DST: variants seen among roughly 807,000 people sequenced by gnomAD.
DST encodes the protein bullous pemphigoid antigen.
Under a neutral mutation model 875.2 loss-of-function variants are expected in DST, and 253 were observed. That is an observed-to-expected ratio of 0.29 (90% CI 0.26 to 0.32). DST has a LOEUF of 0.32. Ranked by LOEUF, DST falls within the 10% of genes least tolerant of loss-of-function variation. The probability of loss-of-function intolerance (pLI) is 1.00; values close to 1 mark genes in which losing one functional copy is unlikely to be tolerated. For synonymous variants in DST, 3,124 were observed against 3,197.1 expected, an observed-to-expected ratio of 0.98 and a Z score of 0.77; for missense variants, 8,287 against 9,111.6, an observed-to-expected ratio of 0.91 and a Z score of 3.68.
chr6:56,648,441 T>G (rs527275983), intron 13 of DST, 129 bp downstream of exon 13: 1 of 712,752 alleles, frequency 1.4e-6, no homozygotes, highest in Non-Finnish European at 2.2e-6. Flanking sequence ...GTAATACAAA[T>G]TTTGCCTACT....
intron 5 of DST, among the ~76,000 whole-genome samples, chr6:56,713,895 G>T (rs1589071122): frequency 1.3e-5 from 2 of 152,278 alleles, no homozygotes; most frequent in East Asian, 3.9e-4. Flanking sequence ...TTAAACATAA[G>T]CTCATTTCCT....
At chr6:56,911,555 T>A (rs1798836727) in intron 2 of DST, among the ~76,000 whole-genome samples, 1 of 152,234 alleles carries the variant, frequency 6.6e-6, no homozygotes, top group Admixed American at 6.5e-5. Flanking sequence ...GTGAGGCCTT[T>A]AATCTGTAAC....
intron 5 of DST, among the ~76,000 whole-genome samples, chr6:56,726,049 A>C (rs2099455274): frequency 6.6e-6 from 1 of 152,198 alleles, no homozygotes; most frequent in East Asian, 1.9e-4. Context: ...TCAGGTATGA[A>C]TTTCAACACT....
At chr6:56,938,817 G>A (rs1342261203) in intron 2 of DST, among the ~76,000 whole-genome samples, 1 of 152,212 alleles carries the variant, frequency 6.6e-6, no homozygotes, top group Admixed American at 6.5e-5. Flanking sequence ...CTTACTGGAA[G>A]AGGAGAGACC....
chr6:56,811,240 C>T (rs927169918), intron 4 of DST, among the ~76,000 whole-genome samples: 2 of 149,580 alleles, frequency 1.3e-5, no homozygotes, highest in Non-Finnish European at 3.0e-5. Context: ...TTCCCAGCCC[C>T]AACCTGAGAG....
intron 62 of DST, 65 bp downstream of exon 62, chr6:56,536,714 T>C: frequency 1.4e-6 from 2 of 1,414,106 alleles, no homozygotes; most frequent in African/African-American, 1.4e-5. Context: ...ATATGATTCA[T>C]GGTCACCACA....
At chr6:56,464,423 C>T (rs1038598250) in intron 100 of DST, 7 of 494,046 alleles carry the variant, frequency 1.4e-5, no homozygotes, top group Non-Finnish European at 2.5e-5. Context: ...CAAACACATA[C>T]GCACACGGAG....
chr6:56,498,167 G>C, intron 80 of DST, 114 bp from the exon 81 acceptor site: 2 of 1,058,538 alleles, frequency 1.9e-6, no homozygotes, highest in Non-Finnish European at 2.7e-6. Flanking sequence ...AACGTTATAT[G>C]TGTAGAATTT....
chr6:56,544,592 C>G (rs1216112454), intron 61 of DST, among the ~76,000 whole-genome samples: 1 of 152,166 alleles, frequency 6.6e-6, no homozygotes, highest in Non-Finnish European at 1.5e-5. Flanking sequence ...ACATAGCCAC[C>G]ACTGTCCTTA....
At chr6:56,507,500 C>T (rs917332004) in intron 75 of DST, among the ~76,000 whole-genome samples, 22 of 152,210 alleles carry the variant, frequency 1.4e-4, no homozygotes, top group Admixed American at 1.3e-3. Context: ...TAAAGTATTA[C>T]GGGAACACAG....
chr6:56,463,677 C>T lies in DST; in HGVS notation c.22847G>A (p.Gly7616Asp). The stretch of plus-strand genomic sequence containing the variant: ...TCGTGATGATGGCCGGGATCTTCGG[C>T]CTCGGGGTCGGAAAGCAGCCATACC... ...SQGMAAFRPR[G>D]RRSRPSSRGA... Residue 7616 changes from glycine (G) to aspartate (D), a missense_variant, in exon 101 of 104, where the codon GGC (glycine) becomes GAC (aspartate). Around this residue, in one of 10 missense-constraint regions of DST, gnomAD observed 64 missense variants for 86.2 expected, o/e 0.74. Coordinates refer to ENST00000680361, the MANE Select transcript of DST (RefSeq NM_001374736.1). 1 of 1,613,968 alleles carries T rather than the reference C, an allele frequency of 6.2e-7. No individual in the cohort carries two copies. The highest frequency in any genetic ancestry group is 8.5e-7 in the Non-Finnish European group (1 of 1,179,890).
At chr6:56,954,233 G>A (rs112547632) in intron 1 of DST, among the ~76,000 whole-genome samples, 174 bp downstream of exon 1, 4 of 152,296 alleles carry the variant, frequency 2.6e-5, no homozygotes, top group African/African-American at 9.6e-5. Context: ...GAGACTGGAG[G>A]GCGGAGGTGA....
chr6:56,460,349 T>C (rs766948738), intron 102 of DST, 95 bp from the exon 103 acceptor site: 17 of 1,358,120 alleles, frequency 1.3e-5, no homozygotes, highest in Non-Finnish European at 1.5e-5. Context: ...GGAAACTCTC[T>C]ACTATTCCTC....
intron 2 of DST, among the ~76,000 whole-genome samples, chr6:56,951,253 T>C (rs1431281506): frequency 1.3e-5 from 2 of 152,260 alleles, no homozygotes; most frequent in Non-Finnish European, 1.5e-5. Flanking sequence ...CAGCAGATCC[T>C]AAACTCATTT....
intron 4 of DST, among the ~76,000 whole-genome samples, chr6:56,805,040 A>C (rs1291180311): frequency 2.6e-5 from 4 of 152,028 alleles, no homozygotes; most frequent in Non-Finnish European, 4.4e-5. Context: ...ATATTCTACA[A>C]ATCATCATTT....
chr6:56,548,107 T>G (rs1340104302), intron 61 of DST, among the ~76,000 whole-genome samples: 1 of 152,178 alleles, frequency 6.6e-6, no homozygotes, highest in African/African-American at 2.4e-5. Flanking sequence ...ATCTTTTGGC[T>G]TCCCTGGGCC....
intron 4 of DST, among the ~76,000 whole-genome samples, chr6:56,740,730 A>G (rs1157544374): frequency 6.6e-6 from 1 of 152,178 alleles, no homozygotes; most frequent in Non-Finnish European, 1.5e-5. Flanking sequence ...CTGATTGCAA[A>G]CAATGGAAGT....
chr6:56,543,405 A>G (rs2097172587), intron 61 of DST, among the ~76,000 whole-genome samples: 1 of 152,170 alleles, frequency 6.6e-6, no homozygotes, highest in Admixed American at 6.5e-5. Context: ...GAATATTAGT[A>G]GTTACTAATA....
In DST at chr6:56,639,690, A is replaced by G; in HGVS notation, c.2697+6T>C. 1 of 1,613,264 alleles carries G rather than the reference A, an allele frequency of 6.2e-7. No individual in the cohort carries two copies. Among genetic ancestry groups the G allele is most frequent in the Non-Finnish European group, 8.5e-7 (1 of 1,179,414 alleles). On this transcript the variant is annotated splice_donor_region_variant and intron_variant, in intron 20 of 103. Coordinates refer to ENST00000680361, the MANE Select transcript of DST (RefSeq NM_001374736.1). ...GGAAACAGAAGGTTTAAAAAAAAAA[A>G]CTTACCAAGAGTTTTGCATACTGAC...
Sources: allele counts gnomAD v4.1 joint callset (sites outside exome capture counted in the v4.1 genomes callset), GRCh38; gene constraint gnomAD v4.1.1; regional missense constraint gnomAD v4.1.1; transcripts MANE v1.5; gene names NCBI Gene and HGNC (gene_info 2026-07-23, HGNC 2026-07-21).